ZNF410: variants seen among roughly 807,000 people sequenced by gnomAD.
ZNF410 encodes the protein another partner for ARF 1.
In ZNF410, 18 loss-of-function variants were observed where a neutral mutation model predicts 54.8. That is an observed-to-expected ratio of 0.33 (90% CI 0.23 to 0.49). The LOEUF is 0.49. ZNF410 is among the 20% of genes least tolerant of loss of function. The pLI is 0.99. For synonymous variants in ZNF410, 191 were observed against 207.3 expected, an observed-to-expected ratio of 0.92 and a Z score of 0.68; for missense variants, 405 against 569.6, an observed-to-expected ratio of 0.71 and a Z score of 2.94.
At chr14:73,925,639 G>C (rs7148538) in intron 11 of ZNF410, among the ~76,000 whole-genome samples, 23,454 of 151,924 alleles carry the variant, frequency 0.15, 2,388 homozygotes, top group East Asian at 0.49. Context: ...TGTTGGCCAG[G>C]CTAGTCTGGA....
Position 73,904,661 on chromosome 14 carries a change from G to A in ZNF410, c.732-241G>A, listed in dbSNP as rs2055455236. Among the ~76,000 whole-genome samples, 3 of 152,122 alleles carry A rather than the reference G, an allele frequency of 2.0e-5. No homozygotes were observed. The South Asian group carries it at 6.2e-4, about 32-fold the overall frequency. On this transcript the variant is annotated intron_variant, in intron 6 of 11. Transcript: ENST00000555044. ...TTTTTTAAAGACAGGGTCTCGCTATGTTGCCCAAGCTGATCTCAAACTCCT... is the reference window on the plus strand; with the variant it reads ...TTTTTTAAAGACAGGGTCTCGCTATATTGCCCAAGCTGATCTCAAACTCCT...
intron 8 of ZNF410, among the ~76,000 whole-genome samples, chr14:73,910,118 T>G (rs192935888): frequency 8.0e-4 from 122 of 152,232 alleles, no homozygotes; most frequent in Middle Eastern, 6.8e-3. Flanking sequence ...ACATGGTGAT[T>G]TACTTGGAAA....
At chr14:73,893,220 T>C (rs937173452) in intron 2 of ZNF410, 2 of 152,252 alleles carry the variant, frequency 1.3e-5, no homozygotes, top group African/African-American at 4.8e-5. Flanking sequence ...GTAATTATTT[T>C]TATCATTTCT....
chr14:73,924,265 G>A (rs979827758), intron 11 of ZNF410, among the ~76,000 whole-genome samples: 4 of 152,088 alleles, frequency 2.6e-5, no homozygotes, highest in African/African-American at 7.2e-5. Flanking sequence ...TAGGGTTTGC[G>A]CTCCTATGAG....
intron 7 of ZNF410, among the ~76,000 whole-genome samples, chr14:73,905,944 T>TACACAC (rs869151597): frequency 2.1e-4 from 16 of 76,464 alleles, no homozygotes; most frequent in African/African-American, 8.5e-4. Flanking sequence ...TACATATATA[T>TACACAC]ACACACACAC....
At position 73,904,109 on chromosome 14, in the gene ZNF410, C is replaced by T. The variant is rs866815280; in HGVS notation, c.730C>T (p.Arg244Ter). 1.2e-6 allele frequency: 2 copies of T among 1,611,342 alleles called. No homozygotes were observed. Among genetic ancestry groups the T allele is most frequent in the South Asian group, 1.1e-5 (1 of 90,504 alleles). ...AHFKYHLKTH[R>*]NDRSFICPAE... Reference sequence around the variant, plus strand: ...CTTTAAATACCACCTCAAGACTCATCGGTGAGCAAATCCGAGATCTCATAT... The same window carrying T: ...CTTTAAATACCACCTCAAGACTCATTGGTGAGCAAATCCGAGATCTCATAT... Residue 244 changes from arginine to a stop codon, truncating the protein, a stop_gained and splice_region_variant, in exon 6 of 12, where the codon CGA (arginine) becomes TGA (stop). Transcript: ENST00000555044. LOFTEE classifies it high-confidence loss of function.
intron 1 of ZNF410, chr14:73,887,493 A>G (rs892908518): frequency 6.6e-6 from 1 of 152,150 alleles, no homozygotes; most frequent in Admixed American, 6.5e-5. Context: ...TTCGTGTCGA[A>G]TTTATTTTCT....
At chr14:73,896,117 C>G in intron 3 of ZNF410, 199 bp from the exon 4 acceptor site, 1 of 560,146 alleles carries the variant, frequency 1.8e-6, no homozygotes. Flanking sequence ...TTCTGTTCCT[C>G]ACGTTTTGGC....
intron 8 of ZNF410, chr14:73,920,387 G>C (rs951970151): frequency 1.1e-4 from 17 of 152,248 alleles, no homozygotes; most frequent in African/African-American, 4.1e-4. Flanking sequence ...GGTTACTGCA[G>C]CCCCCACTTG....
At position 73,931,755 on chromosome 14, in the gene ZNF410, C is replaced by G. The variant is rs146944181; in HGVS notation, c.*214C>G. The G allele has an allele frequency of 2.0e-5, 11 of 562,784 alleles. 1 individual carries two copies. The African/African-American group carries it at 2.1e-4, about 11-fold the overall frequency. 34.9% of individuals were successfully genotyped at this position (562,784 alleles called of 1,614,324 possible). On this transcript the variant is annotated 3_prime_UTR_variant, in exon 12 of 12. Coordinates refer to ENST00000555044, the MANE Select transcript of ZNF410 (RefSeq NM_021188.3). ...GATCAGACAAGGAATGAAGCAATGACTGTGGGCTGGGAAACTGTACCTACC... is the reference window on the plus strand; with the variant it reads ...GATCAGACAAGGAATGAAGCAATGAGTGTGGGCTGGGAAACTGTACCTACC...
intron 8 of ZNF410, among the ~76,000 whole-genome samples, chr14:73,912,818 A>G (rs2055605255): frequency 6.7e-6 from 1 of 149,892 alleles, no homozygotes; most frequent in Admixed American, 6.6e-5. Flanking sequence ...ATACAATTGA[A>G]TTTTGTACAT....
At chr14:73,930,117 C>A (rs6574154) in intron 11 of ZNF410, among the ~76,000 whole-genome samples, 91,636 of 151,948 alleles carry the variant, frequency 0.6, 28,549 homozygotes, top group South Asian at 0.72. Context: ...AATCAAGGCA[C>A]AAATAGAAAT....
intron 1 of ZNF410, among the ~76,000 whole-genome samples, chr14:73,890,893 C>G (rs969431786): frequency 6.6e-6 from 1 of 151,856 alleles, no homozygotes; most frequent in Non-Finnish European, 1.5e-5. Flanking sequence ...GCCTGTAATC[C>G]CAGCTACTCC....
chr14:73,921,158 C>G, intron 9 of ZNF410, 53 bp downstream of exon 9: 2 of 1,602,776 alleles, frequency 1.2e-6, no homozygotes, highest in East Asian at 4.5e-5. Context: ...GTTCCAAGAG[C>G]CAAATCACTG....
rs1566665456 is a variant in ZNF410, at chr14:73,922,198, TTGA to T, written c.1268_1270del (p.Asp423del). Reference sequence around the variant, plus strand: ...CCAAATACCAATTCTATCCTGGGAGTTGATGATGGTAAGACTTCCAACTCTCCT... The same window carrying T: ...CCAAATACCAATTCTATCCTGGGAGTTGATGGTAAGACTTCCAACTCTCCT... On this transcript the variant is annotated inframe_deletion, in exon 10 of 12. Transcript: ENST00000555044. 2 of 1,613,518 alleles carry T rather than the reference TTGA, an allele frequency of 1.2e-6. No homozygotes were observed. The highest frequency in any genetic ancestry group is 1.7e-6 in the Non-Finnish European group (2 of 1,179,828).
At chr14:73,891,161 A>G (rs2055223871) in intron 1 of ZNF410, among the ~76,000 whole-genome samples, 1 of 152,136 alleles carries the variant, frequency 6.6e-6, no homozygotes, top group Non-Finnish European at 1.5e-5. Flanking sequence ...ATATTGGAAA[A>G]TTGAGAAAAG....
At chr14:73,898,961 C>T (rs374493995) in intron 5 of ZNF410, among the ~76,000 whole-genome samples, 82 of 152,212 alleles carry the variant, frequency 5.4e-4, no homozygotes, top group Admixed American at 4.6e-3. Flanking sequence ...TTGAGAACCA[C>T]GGCTCTATTC....
At chr14:73,895,972 G>A (rs1238233170) in intron 3 of ZNF410, among the ~76,000 whole-genome samples, 1 of 152,166 alleles carries the variant, frequency 6.6e-6, no homozygotes, top group Non-Finnish European at 1.5e-5. Context: ...CTATTCTTGA[G>A]TTAGTATTCA....
chr14:73,925,348 TGAGA>T (rs975509939), intron 11 of ZNF410, among the ~76,000 whole-genome samples: 2 of 152,196 alleles, frequency 1.3e-5, no homozygotes, highest in East Asian at 3.9e-4. Flanking sequence ...CAGAGTACAG[TGAGA>T]GAGAGACTAG....
Sources: allele counts gnomAD v4.1 joint callset (sites outside exome capture counted in the v4.1 genomes callset), GRCh38; gene constraint gnomAD v4.1.1; transcripts MANE v1.5; gene names NCBI Gene and HGNC (gene_info 2026-07-23, HGNC 2026-07-21).